Variants in COL19A1 observed in about 807,000 individuals in gnomAD.
COL19A1 encodes the protein collagen alpha-1(XIX) chain.
In COL19A1, 159 loss-of-function variants were observed where a neutral mutation model predicts 190.2. The observed-to-expected ratio is 0.84, with a 90% CI of 0.73 to 0.95. The LOEUF (loss-of-function observed/expected upper bound fraction) is 0.95, where lower values mean the gene tolerates loss of function less well. Ranked by LOEUF, COL19A1 falls within the 40% of genes least tolerant of loss-of-function variation. The pLI is 0.00. For synonymous variants in COL19A1, 509 were observed against 458.9 expected (o/e 1.11, Z -1.39); for missense variants, 1,418 against 1,431.9 (o/e 0.99, Z 0.16).
In COL19A1 at chr6:69,929,512, A is replaced by C. The variant is rs1465691449; in HGVS notation, c.478A>C (p.Asn160His). 6.2e-7 allele frequency: 1 copy of C among 1,613,962 alleles called. No homozygotes were observed. The highest frequency in any genetic ancestry group is 8.5e-7 in the Non-Finnish European group (1 of 1,179,996). The change falls in exon 6 of 51, where the codon AAT becomes CAT. Residue 160 changes from asparagine to histidine, a missense_variant. Physicochemically the swap from Asn to His is moderately conservative, Grantham distance 68 (BLOSUM62 1). Transcript: ENST00000620364. ...AGATGTGTTGAACTACATTTTTAGA[A>C]ATCGAGAACTCCGTCCTTTGTTTGA... ...EGDVLNYIFRNRELRPLFDRQ... is the reference protein window; with the variant it reads ...EGDVLNYIFRHRELRPLFDRQ...
intron 42 of COL19A1, among the ~76,000 whole-genome samples, chr6:70,179,429 A>T (rs1766026022): frequency 6.6e-6 from 1 of 151,988 alleles, no homozygotes; most frequent in Non-Finnish European, 1.5e-5. Context: ...TCCAGTCTCC[A>T]CTGGACCGTC....
chr6:70,094,872 C>A (rs986009247), intron 15 of COL19A1, among the ~76,000 whole-genome samples: 11 of 152,108 alleles, frequency 7.2e-5, no homozygotes, highest in African/African-American at 2.7e-4. Flanking sequence ...CAAATAAAAT[C>A]ATTCCATTGT....
chr6:70,043,443 C>T (rs1405378596), intron 14 of COL19A1, among the ~76,000 whole-genome samples: 2 of 152,106 alleles, frequency 1.3e-5, no homozygotes, highest in Admixed American at 6.5e-5. Flanking sequence ...CTGCCCGTCT[C>T]GGCCTCCCAA....
intron 13 of COL19A1, among the ~76,000 whole-genome samples, chr6:70,034,576 C>T (rs1779243393): frequency 6.6e-6 from 1 of 152,182 alleles, no homozygotes; most frequent in Admixed American, 6.5e-5. Context: ...ATCAAATTAG[C>T]AAGTGTGACC....
chr6:70,133,710 T>C (rs1785660067), intron 18 of COL19A1, among the ~76,000 whole-genome samples: 1 of 152,202 alleles, frequency 6.6e-6, no homozygotes, highest in Non-Finnish European at 1.5e-5. Context: ...TCTTTCCTAA[T>C]GCAAAGTAAC....
At position 69,962,887 on chromosome 6, in the gene COL19A1, A is replaced by G; in HGVS notation, c.1026+17A>G. 6.3e-7 allele frequency: 1 copy of G among 1,592,120 alleles called. No individual in the cohort carries two copies. Among genetic ancestry groups the G allele is most frequent in the Non-Finnish European group, 8.6e-7 (1 of 1,164,472 alleles). ...GGTGAAAAGGTAAATATCTCTTTTTACATTCACATCTGTAAAAAGAAATTG... is the reference window on the plus strand; with the variant it reads ...GGTGAAAAGGTAAATATCTCTTTTTGCATTCACATCTGTAAAAAGAAATTG... On this transcript the variant is annotated intron_variant, in intron 11 of 50. Transcript: ENST00000620364.
At position 70,209,927 on chromosome 6, in the gene COL19A1, C is replaced by G. The variant is rs1768090207; in HGVS notation, c.*2653C>G. On this transcript the variant is annotated 3_prime_UTR_variant, in exon 51 of 51. Coordinates refer to ENST00000620364, the MANE Select transcript of COL19A1 (RefSeq NM_001858.6). ...GCCCAATTCCTTTAATAAAAAGAAA[C>G]TAAATAATTTGGGCCCCAAAGTAGG... 1 of 152,148 alleles carries G rather than the reference C, an allele frequency of 6.6e-6. No homozygotes were observed. Among genetic ancestry groups the G allele is most frequent in the South Asian group, 2.1e-4 (1 of 4,826 alleles). 9.4% of individuals were successfully genotyped at this position (152,148 alleles called of 1,614,324 possible). A position where few individuals can be genotyped will look rare whatever the true frequency, so the allele number is the denominator to read the frequency against.
intron 16 of COL19A1, among the ~76,000 whole-genome samples, chr6:70,103,432 TA>T (rs1252207473): frequency 1.3e-5 from 2 of 152,306 alleles, no homozygotes; most frequent in East Asian, 3.9e-4. Flanking sequence ...TAAAATTCTC[TA>T]AAAGCTTAAA....
At chr6:70,099,055 C>T (rs1783464292) in intron 15 of COL19A1, among the ~76,000 whole-genome samples, 1 of 33,000 alleles carries the variant, frequency 3.0e-5, no homozygotes, top group Admixed American at 3.6e-4. Flanking sequence ...GACCCTGTCT[C>T]TAAAAAAAAA....
At chr6:69,915,607 T>C (rs1004812853) in intron 4 of COL19A1, among the ~76,000 whole-genome samples, 36 of 152,210 alleles carry the variant, frequency 2.4e-4, no homozygotes, top group African/African-American at 8.2e-4. Flanking sequence ...AGGGAATGAA[T>C]AGAATGAAAG....
intron 4 of COL19A1, among the ~76,000 whole-genome samples, chr6:69,921,460 TCA>T (rs1771878986): frequency 7.0e-5 from 1 of 14,324 alleles, no homozygotes; most frequent in African/African-American, 4.3e-4. Flanking sequence ...ATCATATATA[TCA>T]TATATATTCA....
At chr6:70,199,764 A>G in intron 49 of COL19A1, 28 bp downstream of exon 49, 1 of 1,572,276 alleles carries the variant, frequency 6.4e-7, no homozygotes, top group Non-Finnish European at 8.6e-7. Context: ...ATATTGGCTT[A>G]TTGATTTTTA....
chr6:70,070,791 A>T (rs1562142429), intron 15 of COL19A1, among the ~76,000 whole-genome samples: 1 of 152,104 alleles, frequency 6.6e-6, no homozygotes, highest in East Asian at 1.9e-4. Flanking sequence ...ATATGTGTGT[A>T]TACATACAGA....
intron 4 of COL19A1, among the ~76,000 whole-genome samples, chr6:69,911,758 TC>T (rs1770936142): frequency 6.6e-6 from 1 of 152,178 alleles, no homozygotes; most frequent in Admixed American, 6.5e-5. Flanking sequence ...GCCAGCCTCC[TC>T]TAAGACCTTG....
intron 35 of COL19A1, 99 bp downstream of exon 35, chr6:70,162,052 T>C (rs993669498): frequency 1.1e-4 from 122 of 1,090,390 alleles, no homozygotes; most frequent in Non-Finnish European, 1.5e-4. Flanking sequence ...TCTGTGCCTC[T>C]ATGTAGATTG....
At chr6:70,068,958 G>C (rs1164902057) in intron 15 of COL19A1, among the ~76,000 whole-genome samples, 1 of 152,072 alleles carries the variant, frequency 6.6e-6, no homozygotes, top group South Asian at 2.1e-4. Flanking sequence ...TGGTAGTAGA[G>C]CAATAACCTC....
chr6:70,082,569 C>T (rs552287209), intron 15 of COL19A1, among the ~76,000 whole-genome samples: 15 of 152,198 alleles, frequency 9.9e-5, no homozygotes, highest in Admixed American at 3.3e-4. Context: ...TGTGCCACCA[C>T]ACCTGGCTAA....
intron 9 of COL19A1, among the ~76,000 whole-genome samples, 186 bp downstream of exon 9, chr6:69,938,286 A>C (rs946829542): frequency 2.6e-5 from 4 of 152,126 alleles, no homozygotes; most frequent in African/African-American, 4.8e-5. Context: ...TTTTGAATTC[A>C]TATTGGTAGG....
chr6:70,177,749 C>T (rs1765903776), intron 42 of COL19A1, among the ~76,000 whole-genome samples: 1 of 152,184 alleles, frequency 6.6e-6, no homozygotes, highest in South Asian at 2.1e-4. Flanking sequence ...CCTTAGAGAA[C>T]CTTTACAACC....
Sources: allele counts gnomAD v4.1 joint callset (sites outside exome capture counted in the v4.1 genomes callset), GRCh38; gene constraint gnomAD v4.1.1; transcripts MANE v1.5; gene names NCBI Gene and HGNC (gene_info 2026-07-23, HGNC 2026-07-21).